The following DNAH5 variants were observed in gnomAD, a reference collection of about 807,000 sequenced individuals.
The protein encoded by DNAH5 is axonemal beta dynein heavy chain 5.
In DNAH5, 372 loss-of-function variants were observed where a neutral mutation model predicts 518.2. The observed-to-expected ratio is 0.72, with a 90% CI of 0.66 to 0.78. The LOEUF (loss-of-function observed/expected upper bound fraction) is 0.78. Among genes scored for constraint, DNAH5 ranks in the 30% least tolerant of loss-of-function variants. The pLI, the probability that DNAH5 is intolerant of heterozygous loss-of-function variation, is 0.00. For missense variants in DNAH5, 5,523 were observed against 5,687.0 expected (o/e 0.97, Z 0.93); for synonymous variants, 2,039 against 2,025.9 (o/e 1.01, Z -0.17).
chr5:13,966,768 T>C (rs1200103422), intron 1 of DNAH5, among the ~76,000 whole-genome samples: 2 of 152,258 alleles, frequency 1.3e-5, no homozygotes, highest in Non-Finnish European at 2.9e-5. Context: ...TAGTCCTTTG[T>C]TGGATGCATA....
chr5:14,001,645 G>C (rs1581151992), intron 1 of DNAH5, among the ~76,000 whole-genome samples: 2 of 151,586 alleles, frequency 1.3e-5, no homozygotes. Flanking sequence ...TTACAGGCAT[G>C]AGCCACTGTG....
At chr5:13,933,481 G>T (rs1778617325) in intron 1 of DNAH5, among the ~76,000 whole-genome samples, 2 of 152,182 alleles carry the variant, frequency 1.3e-5, no homozygotes, top group Admixed American at 1.3e-4. Flanking sequence ...AGGAGAAAAA[G>T]AAGTGCAAAT....
At chr5:13,883,666 A>G (rs911527434) in intron 19 of DNAH5, among the ~76,000 whole-genome samples, 2 of 152,244 alleles carry the variant, frequency 1.3e-5, no homozygotes, top group African/African-American at 4.8e-5. Flanking sequence ...ACATGTATGT[A>G]TATGTGTCTG....
chr5:13,993,035 G>A (rs576062169), intron 1 of DNAH5, among the ~76,000 whole-genome samples: 4 of 152,232 alleles, frequency 2.6e-5, no homozygotes, highest in Admixed American at 6.5e-5. Flanking sequence ...CATATTCTGC[G>A]GCTATTAGAC....
chr5:13,933,293 C>T (rs1286552695), intron 1 of DNAH5, among the ~76,000 whole-genome samples: 3 of 152,182 alleles, frequency 2.0e-5, no homozygotes, highest in African/African-American at 7.2e-5. Flanking sequence ...TGCAAAAGTA[C>T]ACATCAACAG....
chr5:13,989,195 T>C (rs1324875694), intron 1 of DNAH5, among the ~76,000 whole-genome samples: 2 of 152,090 alleles, frequency 1.3e-5, no homozygotes, highest in South Asian at 2.1e-4. Context: ...ATAACAACAG[T>C]GGGTGGAACT....
intron 1 of DNAH5, among the ~76,000 whole-genome samples, chr5:13,961,115 T>A (rs1390412319): frequency 1.3e-5 from 2 of 152,216 alleles, no homozygotes; most frequent in Non-Finnish European, 2.9e-5. Flanking sequence ...AAGAAGCTTC[T>A]TTGCTGAATA....
chr5:13,931,032 G>T, intron 2 of DNAH5, 78 bp downstream of exon 2: 1 of 1,606,082 alleles, frequency 6.2e-7, no homozygotes, highest in Non-Finnish European at 8.5e-7. Flanking sequence ...CACAGCATGG[G>T]ATCCTGCCAC....
chr5:13,817,809 CA>C, intron 41 of DNAH5, 115 bp from the exon 42 acceptor site: 1 of 904,438 alleles, frequency 1.1e-6, no homozygotes. Flanking sequence ...ATGAAAACTG[CA>C]GAACTACATT....
At position 13,830,207 on chromosome 5, in the gene DNAH5, G is replaced by A. The variant is rs1264681992; in HGVS notation, c.6068C>T (p.Ala2023Val). 6.2e-7 allele frequency: 1 copy of A among 1,613,694 alleles called. No individual in the cohort carries two copies. Among genetic ancestry groups the A allele is most frequent in the South Asian group, 1.1e-5 (1 of 91,048 alleles). ...AAAACAACCCCAGGATCCAGACTGT[G>A]CCAGTCCTTCGAAAGGAAATTAAAT... Reference protein sequence around the residue: ...RGLGRIFKGLAQSGSWGCFDE... With the variant: ...RGLGRIFKGLVQSGSWGCFDE... Residue 2023 changes from alanine to valine, a missense_variant, in exon 37 of 79, where the codon GCA (alanine) becomes GTA (valine). By Grantham distance (64) the Ala-to-Val change is moderately conservative. Coordinates refer to ENST00000265104, the MANE Select transcript of DNAH5 (RefSeq NM_001369.3).
chr5:13,708,487 A>C, intron 75 of DNAH5, 152 bp from the exon 76 acceptor site: 1 of 774,218 alleles, frequency 1.3e-6, no homozygotes, highest in African/African-American at 1.8e-5. Flanking sequence ...AAAAAAAAAA[A>C]GAAAAGAAAA....
chr5:13,856,904 C>A (rs1767711874), intron 30 of DNAH5, among the ~76,000 whole-genome samples: 2 of 152,166 alleles, frequency 1.3e-5, no homozygotes, highest in South Asian at 2.1e-4. Flanking sequence ...CAGCCAATAT[C>A]ATACTGAATA....
chr5:13,798,740 TTTTATTTATTTATTTATTTA>T (rs1157548763), intron 47 of DNAH5, among the ~76,000 whole-genome samples: 66 of 87,270 alleles, frequency 7.6e-4, no homozygotes, highest in Middle Eastern at 6.8e-3. Context: ...ATTTTATTTA[TTTTATTTATTTATTTATTTA>T]TTTATTTATT....
intron 47 of DNAH5, among the ~76,000 whole-genome samples, chr5:13,798,044 G>A (rs1580301410): frequency 6.7e-6 from 1 of 149,768 alleles, no homozygotes; most frequent in South Asian, 2.2e-4. Flanking sequence ...TCACACACTG[G>A]GGCCTGTCTG....
At chr5:13,990,995 G>GT (rs149078064) in intron 1 of DNAH5, among the ~76,000 whole-genome samples, 9,280 of 152,186 alleles carry the variant, frequency 0.061, 601 homozygotes, top group East Asian at 0.2. Context: ...GGCAGTTTGA[G>GT]TTTTTTTCTA....
At position 13,864,394 on chromosome 5, in the gene DNAH5, T is replaced by C. The variant is rs1259924485; in HGVS notation, c.4596+3A>G. 1.9e-6 allele frequency: 3 copies of C among 1,613,780 alleles called. No individual in the cohort carries two copies. The highest frequency in any genetic ancestry group is 2.5e-6 in the Non-Finnish European group (3 of 1,179,940). ...TGCAATCTTCCATCACATCATACTC[T>C]ACCTCTATTTCCTCTTTATATTTCA... On this transcript the variant is annotated splice_donor_region_variant and intron_variant, in intron 28 of 78. Coordinates refer to ENST00000265104, the MANE Select transcript of DNAH5 (RefSeq NM_001369.3).
intron 60 of DNAH5, 68 bp from the exon 61 acceptor site, chr5:13,759,051 T>C (rs1561190809): frequency 6.3e-7 from 1 of 1,591,890 alleles, no homozygotes; most frequent in Non-Finnish European, 8.5e-7. Context: ...TTTCAGGGTC[T>C]GAGAACTCAG....
rs778517001 is a variant in DNAH5, at chr5:13,859,464, C to T, written c.4938G>A (p.Lys1646=). The change falls in exon 30 of 79, where the codon AAG becomes AAA. Residue 1646 remains lysine (K), a synonymous_variant. Coordinates refer to ENST00000265104, the MANE Select transcript of DNAH5 (RefSeq NM_001369.3). ...AAGATTACAAAACCTTGGGCAGCTG[C>T]TTGGCAATGTCTCCTCCCACAAAGA... ...EAVFVGGDIA[K]QLPKEAKRFS... is the part of the protein sequence containing the mutation. 61 of 1,613,940 alleles carry T rather than the reference C, an allele frequency of 3.8e-5. No homozygotes were observed. The highest frequency in any genetic ancestry group is 4.9e-5 in the Non-Finnish European group (58 of 1,179,950).
rs767848270 is a variant in DNAH5, at chr5:13,901,433, G to A, written c.1871C>T (p.Ala624Val). The change falls in exon 14 of 79, where the codon GCT becomes GTT. Residue 624 changes from alanine to valine, a missense_variant. By Grantham distance (64) the Ala-to-Val change is moderately conservative. Around this residue, in one of 3 missense-constraint regions of DNAH5, gnomAD observed 5,121 missense variants for 5,223.3 expected, o/e 0.98. Coordinates refer to ENST00000265104, the MANE Select transcript of DNAH5 (RefSeq NM_001369.3). The stretch of plus-strand genomic sequence containing the variant: ...CTGGCGGGCCCACAAAATCTTTCCA[G>A]CGATGGGAGGCTGGTTTCGAGCCAG... ...PPLARNQPPI[A>V]GKILWARQLF... 6.2e-7 allele frequency: 1 copy of A among 1,614,072 alleles called. No individual in the cohort carries two copies. Among genetic ancestry groups the A allele is most frequent in the Non-Finnish European group, 8.5e-7 (1 of 1,179,998 alleles).
Sources: allele counts gnomAD v4.1 joint callset (sites outside exome capture counted in the v4.1 genomes callset), GRCh38; gene constraint gnomAD v4.1.1; regional missense constraint gnomAD v4.1.1; transcripts MANE v1.5; gene names NCBI Gene and HGNC (gene_info 2026-07-23, HGNC 2026-07-21).